VCL: variants seen among roughly 807,000 people sequenced by gnomAD.
VCL encodes vinculin.
Under a neutral mutation model 125.7 loss-of-function variants are expected in VCL, and 47 were observed. The observed-to-expected ratio is 0.37, with a 90% CI of 0.30 to 0.48. VCL has a LOEUF of 0.48. Among genes scored for constraint, VCL ranks in the 20% least tolerant of loss-of-function variants. The probability of loss-of-function intolerance (pLI) is 0.99; values close to 1 mark genes in which losing one functional copy is unlikely to be tolerated. For synonymous variants in VCL, 458 were observed against 514.6 expected (o/e 0.89, Z 1.49); for missense variants, 1,069 against 1,455.5 (o/e 0.73, Z 4.32).
chr10:74,113,689 G>A lies in VCL; in HGVS notation c.2950-495G>A, dbSNP rs191062668. ...TTGCAACAAGGGTAAGCATGAAGAG[G>A]GTGATTTCAGCATCTGGAAAGGCTC... On this transcript the variant is annotated intron_variant, in intron 19 of 21. Coordinates refer to ENST00000211998, the MANE Select transcript of VCL (RefSeq NM_014000.3). Among the ~76,000 whole-genome samples the A allele has an allele frequency of 1.1e-3, 163 of 152,182 alleles. 2 individuals carry two copies. In the Middle Eastern group the frequency reaches 0.031, roughly 29 times the overall value.
intron 1 of VCL, among the ~76,000 whole-genome samples, chr10:74,016,324 G>A (rs1225984333): frequency 1.3e-5 from 2 of 152,052 alleles, no homozygotes; most frequent in African/African-American, 4.8e-5. Context: ...TTAAAATCTG[G>A]TGAAGGCTGG....
rs751458490 is a variant in VCL, at chr10:74,105,347, G to A, written c.2428G>A (p.Asp810Asn). ...DAKAVAGNIS[D>N]PGLQKSFLDS... ...AAAAGCTGTGGCTGGAAACATTTCC[G>A]ACCCTGGTAAGCAATGCATGGCACT... Residue 810 changes from aspartate to asparagine, a missense_variant, in exon 16 of 22, where the codon GAC becomes AAC. Physicochemically the swap from Asp to Asn is conservative, Grantham distance 23 (BLOSUM62 1). Around this residue, in one of 6 missense-constraint regions of VCL, gnomAD observed 760 missense variants for 928.9 expected, o/e 0.82. Transcript: ENST00000211998. 5 of 1,612,074 alleles carry A rather than the reference G, an allele frequency of 3.1e-6. No homozygotes were observed. The South Asian group carries it at 3.3e-5, about 11-fold the overall frequency.
chr10:74,042,816 A>G (rs192818898), intron 1 of VCL, among the ~76,000 whole-genome samples: 1 of 152,278 alleles, frequency 6.6e-6, no homozygotes, highest in Admixed American at 6.5e-5. Flanking sequence ...AATTTCTCCT[A>G]TTATGCTCAG....
chr10:74,073,915 A>G (rs147080071), intron 5 of VCL, among the ~76,000 whole-genome samples: 1 of 152,302 alleles, frequency 6.6e-6, no homozygotes, highest in Non-Finnish European at 1.5e-5. Flanking sequence ...GTAGTAGCTA[A>G]AAAAGGACAT....
At chr10:74,103,131 G>T (rs1840085146) in intron 14 of VCL, among the ~76,000 whole-genome samples, 2 of 152,200 alleles carry the variant, frequency 1.3e-5, no homozygotes, top group South Asian at 4.1e-4. Flanking sequence ...GTCTCCCAAA[G>T]TGCTGGGATT....
intron 1 of VCL, among the ~76,000 whole-genome samples, chr10:74,020,229 A>T (rs1336138195): frequency 6.6e-6 from 1 of 152,198 alleles, no homozygotes; most frequent in Non-Finnish European, 1.5e-5. Context: ...TATGCAAATG[A>T]GCTTACTTTG....
chr10:74,114,397 GA>G lies in VCL; in HGVS notation c.3153+13del. 1.9e-6 allele frequency: 3 copies of G among 1,608,866 alleles called. No homozygotes were observed. In the South Asian group the frequency reaches 3.3e-5, roughly 18 times the overall value. On this transcript the variant is annotated intron_variant, in intron 20 of 21. Transcript: ENST00000211998. ...AACCAACCTCTTACAGGTACTCGGG[GA>G]AAGAGGCTGCGTGTGTGTGTGTGTG...
At chr10:74,017,947 G>C (rs182681393) in intron 1 of VCL, among the ~76,000 whole-genome samples, 67 of 151,046 alleles carry the variant, frequency 4.4e-4, no homozygotes, top group Middle Eastern at 3.4e-3. Flanking sequence ...TTGCTTGAGC[G>C]TAGAAGTCCG....
chr10:74,016,651 C>G (rs1043908731), intron 1 of VCL, among the ~76,000 whole-genome samples: 5 of 152,126 alleles, frequency 3.3e-5, no homozygotes, highest in African/African-American at 7.2e-5. Context: ...GCAAGAGTCT[C>G]TCACTCTTTT....
chr10:74,062,024 AG>A (rs1841489352), intron 2 of VCL, among the ~76,000 whole-genome samples: 1 of 151,604 alleles, frequency 6.6e-6, no homozygotes. Context: ...CAGCCTCAAG[AG>A]TAGCTGGGGC....
intron 1 of VCL, among the ~76,000 whole-genome samples, chr10:74,017,507 C>G (rs953430070): frequency 5.9e-5 from 9 of 151,626 alleles, no homozygotes; most frequent in African/African-American, 2.2e-4. Flanking sequence ...GGCCTGAACT[C>G]TGTCTCTGAA....
In VCL at chr10:74,058,885, G is replaced by T. The variant is rs1446053047; in HGVS notation, c.240-11785G>T. Among the ~76,000 whole-genome samples, 19 of 134,132 alleles carry T rather than the reference G, an allele frequency of 1.4e-4. No individual in the cohort carries two copies. In the Admixed American group the frequency reaches 1.4e-3, roughly 10 times the overall value. The allele number at this position is 134,132 out of a possible 152,430, so 88.0% of individuals were successfully genotyped here. A position where few individuals can be genotyped will look rare whatever the true frequency, so the allele number is the denominator to read the frequency against. On this transcript the variant is annotated intron_variant, in intron 2 of 21. Transcript: ENST00000211998. ...TTGCAAGTGCATGTTATTTCTCACAGAAAGGGTGTGTGTGTGTGTGTGCGT... is the reference window on the plus strand; with the variant it reads ...TTGCAAGTGCATGTTATTTCTCACATAAAGGGTGTGTGTGTGTGTGTGCGT...
intron 21 of VCL, 63 bp from the exon 22 acceptor site, chr10:74,117,960 C>T: frequency 6.2e-7 from 1 of 1,611,054 alleles, no homozygotes. Context: ...TGGCTGAAAC[C>T]TATTTTAGAG....
intron 19 of VCL, 35 bp downstream of exon 19, chr10:74,112,147 A>G: frequency 3.1e-6 from 5 of 1,613,058 alleles, no homozygotes; most frequent in Non-Finnish European, 4.2e-6. Flanking sequence ...GGGCTGCTCC[A>G]TATGCATCCG....
intron 14 of VCL, 127 bp from the exon 15 acceptor site, chr10:74,103,693 G>GA (rs1379037171): frequency 1.2e-6 from 1 of 867,366 alleles, no homozygotes; most frequent in Non-Finnish European, 1.9e-6. Flanking sequence ...TATTCAGCCT[G>GA]AAAAGAGACT....
At chr10:74,057,984 G>A (rs897263679) in intron 2 of VCL, among the ~76,000 whole-genome samples, 2 of 152,054 alleles carry the variant, frequency 1.3e-5, no homozygotes, top group African/African-American at 2.4e-5. Flanking sequence ...AACCTGTTTT[G>A]GCATTTCTTC....
intron 1 of VCL, among the ~76,000 whole-genome samples, chr10:74,024,906 G>A (rs1232384656): frequency 6.6e-6 from 1 of 152,202 alleles, no homozygotes; most frequent in Non-Finnish European, 1.5e-5. Flanking sequence ...TGCCCATTGT[G>A]TACTTGAAGT....
In VCL at chr10:74,111,933, G is replaced by A. The variant is rs1343574910; in HGVS notation, c.2770G>A (p.Gly924Ser). ...GCCGGGCATCCCAGCCGCTGAGGTG[G>A]GTATAGGTGTTGTAGCTGAGGCAGA... is the stretch of plus-strand genomic sequence containing the variant. ...SKPGIPAAEV[G>S]IGVVAEADAA... Residue 924 changes from glycine (G) to serine (S), a missense_variant, in exon 19 of 22, where the codon GGT becomes AGT. By Grantham distance (56) the Gly-to-Ser change is moderately conservative (BLOSUM62 0). This residue lies in a region of VCL where 86 missense variants were observed against 91.0 expected (regional missense o/e 0.95). Transcript: ENST00000211998. 1 of 1,614,192 alleles carries A rather than the reference G, an allele frequency of 6.2e-7. No homozygotes were observed.
chr10:74,075,046 T>C, intron 6 of VCL, 143 bp downstream of exon 6: 1 of 1,091,934 alleles, frequency 9.2e-7, no homozygotes, highest in African/African-American at 1.6e-5. Flanking sequence ...TCTTCTTCAT[T>C]TCTGTTTCAT....
Sources: gnomAD v4.1 joint callset for allele counts (sites outside exome capture counted in the v4.1 genomes callset) on GRCh38, gnomAD v4.1.1 for gene constraint, gnomAD v4.1.1 regional missense constraint, MANE v1.5 for transcripts, NCBI Gene and HGNC (gene_info 2026-07-23, HGNC 2026-07-21) for gene names.